Variants in MARCHF2 observed in about 807,000 individuals in gnomAD.
MARCHF2 encodes E3 ubiquitin-protein ligase MARCHF2.
Under a neutral mutation model 24.0 loss-of-function variants are expected in MARCHF2, and 22 were observed. That is an observed-to-expected ratio of 0.92 (90% CI 0.66 to 1.31). MARCHF2 has a LOEUF of 1.31. Among genes scored for constraint, MARCHF2 ranks in the 50% most tolerant of loss-of-function variants. MARCHF2 has a pLI of 0.00. For missense variants in MARCHF2, 301 were observed against 335.3 expected (o/e 0.90, Z 0.80); for synonymous variants, 154 against 153.0 (o/e 1.01, Z -0.05).
intron 4 of MARCHF2, among the ~76,000 whole-genome samples, chr19:8,431,576 C>T (rs1047232911): frequency 6.6e-5 from 10 of 151,456 alleles, no homozygotes; most frequent in African/African-American, 2.2e-4. Context: ...GTGGCTTACT[C>T]CTTTAATCCC....
intron 4 of MARCHF2, among the ~76,000 whole-genome samples, chr19:8,437,689 T>C (rs1967767100): frequency 6.6e-6 from 1 of 151,310 alleles, no homozygotes; most frequent in Non-Finnish European, 1.5e-5. Context: ...TTTTAAACTT[T>C]TTTTTTTTGT....
chr19:8,437,717 A>G (rs573524768), intron 4 of MARCHF2, among the ~76,000 whole-genome samples: 1 of 137,478 alleles, frequency 7.3e-6, no homozygotes, highest in South Asian at 2.3e-4. Context: ...TTCTGGTTGC[A>G]CGTTTTGGCA....
intron 3 of MARCHF2, 51 bp downstream of exon 3, chr19:8,426,855 TG>T: frequency 6.4e-7 from 1 of 1,557,524 alleles, no homozygotes; most frequent in Non-Finnish European, 8.8e-7. Context: ...AGGGCAGACA[TG>T]GGGGCCAAAG....
intron 1 of MARCHF2, among the ~76,000 whole-genome samples, chr19:8,415,739 A>AAAAAAAAAAAAAAAAAAC (rs1568233676): frequency 1.0e-5 from 1 of 96,800 alleles, no homozygotes; most frequent in African/African-American, 4.0e-5. Context: ...AAAAAACAAA[A>AAAAAAAAAAAAAAAAAAC]AAAACAAAAA....
intron 1 of MARCHF2, among the ~76,000 whole-genome samples, chr19:8,414,305 T>G (rs925612784): frequency 1.3e-5 from 2 of 151,932 alleles, no homozygotes; most frequent in Non-Finnish European, 2.9e-5. Flanking sequence ...AGTCTCTCTC[T>G]CTTGCCCAGG....
rs1030968900 is a variant in MARCHF2 at position 8,421,870 on chromosome 19, C to G, written c.30C>G (p.Pro10=). The G allele has an allele frequency of 6.8e-6, 11 of 1,612,464 alleles. No homozygotes were observed. The highest frequency in any genetic ancestry group is 9.3e-6 in the Non-Finnish European group (11 of 1,179,310). The change falls in exon 2 of 5, where the codon CCC becomes CCG. Residue 10 remains proline (P), a synonymous_variant. Coordinates refer to ENST00000215555, the MANE Select transcript of MARCHF2 (RefSeq NM_001005415.2). ...CGACGGGTGACTGCTGCCACCTCCC[C>G]GGCTCCCTGTGTGACTGCTCCGGCA... The part of the protein sequence containing the change: MTTGDCCHL[P]GSLCDCSGSP...
intron 4 of MARCHF2, among the ~76,000 whole-genome samples, chr19:8,436,677 C>CTTTTTT (rs71175858): frequency 5.6e-5 from 4 of 71,598 alleles, no homozygotes; most frequent in African/African-American, 2.0e-4. Flanking sequence ...TAAGGGCTTT[C>CTTTTTT]TTTTTTTTTT....
chr19:8,438,463 G>C lies in MARCHF2; in HGVS notation c.658G>C (p.Glu220Gln). Residue 220 changes from glutamate to glutamine, a missense_variant, in exon 5 of 5, where the codon GAG (glutamate) becomes CAG (glutamine). Coordinates refer to ENST00000215555, the MANE Select transcript of MARCHF2 (RefSeq NM_001005415.2). Reference protein sequence around the residue: ...TNQKVRLKIREADSPEGPQHS... With the variant: ...TNQKVRLKIRQADSPEGPQHS... Reference sequence around the variant, plus strand: ...CCAGAAAGTTCGCCTGAAGATCCGGGAGGCGGACAGCCCCGAGGGCCCCCA... The same window carrying C: ...CCAGAAAGTTCGCCTGAAGATCCGGCAGGCGGACAGCCCCGAGGGCCCCCA... 6.2e-7 allele frequency: 1 copy of C among 1,614,146 alleles called. No homozygotes were observed. The highest frequency in any genetic ancestry group is 1.1e-5 in the South Asian group (1 of 91,086).
chr19:8,422,859 C>A (rs1295444028), intron 2 of MARCHF2, among the ~76,000 whole-genome samples: 1 of 145,160 alleles, frequency 6.9e-6, no homozygotes, highest in Non-Finnish European at 1.5e-5. Flanking sequence ...CACGCGCCAC[C>A]ACACCCAGCT....
At position 8,426,591 on chromosome 19, in the gene MARCHF2, T is replaced by A; in HGVS notation, c.177-18T>A. On this transcript the variant is annotated intron_variant, in intron 2 of 4. Coordinates refer to ENST00000215555, the MANE Select transcript of MARCHF2 (RefSeq NM_001005415.2). The stretch of plus-strand genomic sequence containing the variant: ...AGAAAGCCCAATCATTGCTCATGGG[T>A]CCTATCTCTGTGTCCAGTGATGGTC... The A allele has an allele frequency of 6.2e-7, 1 of 1,609,204 alleles. No individual in the cohort carries two copies. Among genetic ancestry groups the A allele is most frequent in the African/African-American group, 1.3e-5 (1 of 74,926 alleles).
chr19:8,422,139 A>G (rs1967265192), intron 2 of MARCHF2, 123 bp downstream of exon 2: 2 of 999,908 alleles, frequency 2.0e-6, no homozygotes, highest in Non-Finnish European at 2.8e-6. Flanking sequence ...GTAAATAGAG[A>G]AAGAGACACA....
intron 4 of MARCHF2, among the ~76,000 whole-genome samples, chr19:8,436,187 T>C (rs1599718666): frequency 1.3e-5 from 2 of 151,692 alleles, no homozygotes; most frequent in South Asian, 4.2e-4. Context: ...CAGGCTGGAG[T>C]GCAGTGGTGC....
intron 4 of MARCHF2, among the ~76,000 whole-genome samples, chr19:8,437,030 A>T (rs1219247651): frequency 6.9e-6 from 1 of 144,220 alleles, no homozygotes; most frequent in Non-Finnish European, 1.5e-5. Context: ...ACTCTGTTGG[A>T]TTGCAGTGGC....
intron 1 of MARCHF2, among the ~76,000 whole-genome samples, chr19:8,417,477 A>G (rs1355308691): frequency 6.6e-6 from 1 of 151,844 alleles, no homozygotes; most frequent in Non-Finnish European, 1.5e-5. Flanking sequence ...TCTTGCTGTC[A>G]CCCAGGCTGG....
In MARCHF2 at chr19:8,430,426, T is replaced by G. The variant is rs180981632; in HGVS notation, c.373-232T>G. On this transcript the variant is annotated intron_variant, in intron 3 of 4. Coordinates refer to ENST00000215555, the MANE Select transcript of MARCHF2 (RefSeq NM_001005415.2). The surrounding 1 kb of genome is among the most constrained non-coding windows in gnomAD (Gnocchi z 4.4). ...GGCGCTTGCCTGTAATCCCAGCTACTCCGGTGGCTGAGACAGGAGAATTGC... is the reference window on the plus strand; with the variant it reads ...GGCGCTTGCCTGTAATCCCAGCTACGCCGGTGGCTGAGACAGGAGAATTGC... Among the ~76,000 whole-genome samples, 1 of 151,882 alleles carries G rather than the reference T, an allele frequency of 6.6e-6. No homozygotes were observed. Among genetic ancestry groups the G allele is most frequent in the African/African-American group, 2.4e-5 (1 of 41,400 alleles).
In MARCHF2 at chr19:8,438,541, G is replaced by C. The variant is rs1452299886; in HGVS notation, c.736G>C (p.Val246Leu). 6.2e-7 allele frequency: 1 copy of C among 1,614,036 alleles called. No individual in the cohort carries two copies. The highest frequency in any genetic ancestry group is 8.5e-7 in the Non-Finnish European group (1 of 1,180,014). Residue 246 changes from valine (V) to leucine (L), a missense_variant, in exon 5 of 5, where the codon GTA becomes CTA. Val to Leu is a conservative substitution (Grantham distance 32). Transcript: ENST00000215555. ...GAAGAAGGTGGCAGAGGAGACACCA[G>C]TATGAATGCTGGGCTCTCCGGACCC... is the stretch of plus-strand genomic sequence containing the variant. ...LLKKVAEETP[V>L]
intron 2 of MARCHF2, among the ~76,000 whole-genome samples, chr19:8,425,851 A>T (rs1967384040): frequency 6.6e-6 from 1 of 150,852 alleles, no homozygotes; most frequent in Admixed American, 6.6e-5. Context: ...TCCTGACCTC[A>T]TGATCCTCCT....
In MARCHF2 at chr19:8,413,321, C is replaced by G. The variant is rs1288517519; in HGVS notation, c.-152C>G. 1.3e-5 allele frequency: 2 copies of G among 151,750 alleles called. No homozygotes were observed. Among genetic ancestry groups the G allele is most frequent in the African/African-American group, 4.8e-5 (2 of 41,364 alleles). 9.4% of individuals were successfully genotyped at this position (151,750 alleles called of 1,614,324 possible). On this transcript the variant is annotated 5_prime_UTR_variant, in exon 1 of 5. Coordinates refer to ENST00000215555, the MANE Select transcript of MARCHF2 (RefSeq NM_001005415.2). ...GCGGTGCCCGGACGCAGGTGCCGGC[C>G]GGAGCGGAGCTAGTGGCGCCGACGG...
At chr19:8,425,454 C>T (rs919830476) in intron 2 of MARCHF2, among the ~76,000 whole-genome samples, 1 of 151,694 alleles carries the variant, frequency 6.6e-6, no homozygotes, top group Non-Finnish European at 1.5e-5. Context: ...CTAGGTTGCC[C>T]ACACTGGCCT....
Sources: allele counts gnomAD v4.1 joint callset (sites outside exome capture counted in the v4.1 genomes callset), GRCh38; gene constraint gnomAD v4.1.1; non-coding constraint Gnocchi (gnomAD v3.1); transcripts MANE v1.5; gene names NCBI Gene and HGNC (gene_info 2026-07-23, HGNC 2026-07-21).